Variants in ZNF407 observed in about 807,000 individuals in gnomAD.
ZNF407 encodes the protein zinc finger protein 407.
In ZNF407, 17 loss-of-function variants were observed where a neutral mutation model predicts 131.2. The ratio of observed to expected loss-of-function variants is 0.13; its 90% CI spans 0.09 to 0.19. ZNF407 has a LOEUF of 0.19. ZNF407 is among the 10% of genes least tolerant of loss of function. The pLI is 1.00. For synonymous variants in ZNF407, 1,156 were observed against 1,062.0 expected (o/e 1.09, Z -1.72); for missense variants, 2,681 against 2,830.6 (o/e 0.95, Z 1.20).
At chr18:74,757,032 C>A (rs1455191644) in intron 3 of ZNF407, among the ~76,000 whole-genome samples, 1 of 151,726 alleles carries the variant, frequency 6.6e-6, no homozygotes, top group East Asian at 1.9e-4. Context: ...TTTTGATGAT[C>A]TTTCCAAAGA....
At chr18:74,903,402 G>A (rs1043322567) in intron 7 of ZNF407, among the ~76,000 whole-genome samples, 4 of 152,080 alleles carry the variant, frequency 2.6e-5, no homozygotes, top group African/African-American at 9.7e-5. Context: ...AAAGTTGTAT[G>A]TATTATTTTA....
chr18:74,625,038 C>A (rs1983725718), intron 1 of ZNF407, among the ~76,000 whole-genome samples: 1 of 152,098 alleles, frequency 6.6e-6, no homozygotes, highest in Non-Finnish European at 1.5e-5. Flanking sequence ...AGAATCTTAC[C>A]CCAATGCATG....
intron 3 of ZNF407, among the ~76,000 whole-genome samples, chr18:74,708,144 T>C (rs1217665302): frequency 6.6e-6 from 1 of 152,202 alleles, no homozygotes; most frequent in African/African-American, 2.4e-5. Flanking sequence ...AATCCCAAAC[T>C]GGGTACTGTC....
chr18:74,970,478 G>C (rs950265668), intron 8 of ZNF407, among the ~76,000 whole-genome samples: 1 of 152,170 alleles, frequency 6.6e-6, no homozygotes, highest in Non-Finnish European at 1.5e-5. Flanking sequence ...GGTAAATACA[G>C]CCATTCCAAA....
intron 1 of ZNF407, among the ~76,000 whole-genome samples, chr18:74,601,153 C>T (rs936953287): frequency 1.7e-4 from 26 of 152,060 alleles, no homozygotes; most frequent in African/African-American, 5.8e-4. Context: ...CTGGTGTTCC[C>T]TGTGTGGTGA....
intron 4 of ZNF407, among the ~76,000 whole-genome samples, chr18:74,792,267 C>T (rs147114387): frequency 2.6e-4 from 39 of 151,968 alleles, no homozygotes; most frequent in Non-Finnish European, 5.3e-4. Flanking sequence ...GCTAATCACA[C>T]AGAGCAAAGG....
chr18:74,921,879 A>G (rs867253982), intron 8 of ZNF407, among the ~76,000 whole-genome samples: 33 of 152,346 alleles, frequency 2.2e-4, no homozygotes, highest in African/African-American at 7.0e-4. Flanking sequence ...CAAAATATCT[A>G]TGTTATAAGA....
intron 4 of ZNF407, among the ~76,000 whole-genome samples, chr18:74,866,909 C>T (rs997536710): frequency 1.4e-5 from 2 of 143,108 alleles, no homozygotes; most frequent in African/African-American, 5.2e-5. Flanking sequence ...CCAGCTACTC[C>T]GGCTGAGGCT....
At chr18:74,970,270 G>A (rs187141572) in intron 8 of ZNF407, among the ~76,000 whole-genome samples, 150 of 151,948 alleles carry the variant, frequency 9.9e-4, no homozygotes, top group African/African-American at 2.9e-3. Context: ...CCTCCCCTGG[G>A]CCCTCCAAAT....
intron 3 of ZNF407, among the ~76,000 whole-genome samples, chr18:74,649,617 C>T (rs931942561): frequency 6.6e-6 from 1 of 152,116 alleles, no homozygotes; most frequent in African/African-American, 2.4e-5. Context: ...TCCAATCCAT[C>T]TAGTGGACAG....
chr18:74,662,804 A>G (rs1382927774), intron 3 of ZNF407, among the ~76,000 whole-genome samples: 1 of 152,220 alleles, frequency 6.6e-6, no homozygotes. Context: ...TTAGAAGGTG[A>G]AAAGTATTCA....
At chr18:74,737,263 A>C (rs755068669) in intron 3 of ZNF407, among the ~76,000 whole-genome samples, 7 of 152,220 alleles carry the variant, frequency 4.6e-5, no homozygotes, top group Non-Finnish European at 8.8e-5. Flanking sequence ...TTAATCATTT[A>C]CTATGCAACT....
intron 1 of ZNF407, among the ~76,000 whole-genome samples, chr18:74,620,116 GT>G (rs1415503040): frequency 6.6e-6 from 1 of 151,832 alleles, no homozygotes; most frequent in South Asian, 2.1e-4. Flanking sequence ...TTACATTTTA[GT>G]TTTTTTATGT....
At chr18:74,786,661 C>G (rs1285547229) in intron 4 of ZNF407, among the ~76,000 whole-genome samples, 1 of 151,916 alleles carries the variant, frequency 6.6e-6, no homozygotes, top group Non-Finnish European at 1.5e-5. Context: ...CGATGACGTA[C>G]TGCTTTTGCA....
intron 4 of ZNF407, among the ~76,000 whole-genome samples, chr18:74,847,890 A>G (rs942394802): frequency 2.0e-5 from 3 of 150,718 alleles, no homozygotes; most frequent in Admixed American, 6.6e-5. Context: ...CAGTGTTTTC[A>G]TCCTTCTCTC....
intron 3 of ZNF407, among the ~76,000 whole-genome samples, chr18:74,682,062 A>G (rs1259031663): frequency 6.6e-6 from 1 of 152,190 alleles, no homozygotes; most frequent in African/African-American, 2.4e-5. Flanking sequence ...GCCCTTTATT[A>G]TTGACACTTT....
intron 8 of ZNF407, among the ~76,000 whole-genome samples, chr18:74,981,600 T>C (rs927292902): frequency 1.6e-4 from 24 of 152,142 alleles, no homozygotes; most frequent in Admixed American, 5.9e-4. Context: ...AGGGAGACTA[T>C]GAGGCTAGAG....
intron 4 of ZNF407, among the ~76,000 whole-genome samples, chr18:74,840,243 G>A (rs1970613842): frequency 6.6e-6 from 1 of 151,942 alleles, no homozygotes; most frequent in African/African-American, 2.4e-5. Flanking sequence ...CATTCATGCT[G>A]GAAGATGCAG....
chr18:74,736,821 A>G (rs1968425577), intron 3 of ZNF407, among the ~76,000 whole-genome samples: 1 of 152,178 alleles, frequency 6.6e-6, no homozygotes, highest in Admixed American at 6.5e-5. Flanking sequence ...GTTCTCATTT[A>G]TGGTCTCCGT....
Sources: gnomAD v4.1 joint callset for allele counts (sites outside exome capture counted in the v4.1 genomes callset) on GRCh38, gnomAD v4.1.1 for gene constraint, MANE v1.5 for transcripts, NCBI Gene and HGNC (gene_info 2026-07-23, HGNC 2026-07-21) for gene names.